TTLL7: variants seen among roughly 807,000 people sequenced by gnomAD.
The protein encoded by TTLL7 is tubulin polyglutamylase TTLL7.
TTLL7 carries 53 observed loss-of-function variants against 120.2 expected under a neutral mutation model. The observed-to-expected ratio is 0.44, with a 90% CI of 0.35 to 0.55. The LOEUF (loss-of-function observed/expected upper bound fraction) is 0.55. Ranked by LOEUF, TTLL7 falls within the 20% of genes least tolerant of loss-of-function variation. The pLI, the probability that TTLL7 is intolerant of heterozygous loss-of-function variation, is 0.00. For synonymous variants in TTLL7, 353 were observed against 351.7 expected, an observed-to-expected ratio of 1.00 and a Z score of -0.04; for missense variants, 803 against 1,054.7, an observed-to-expected ratio of 0.76 and a Z score of 3.31.
At chr1:83,893,386 AG>A (rs1655947320) in intron 18 of TTLL7, among the ~76,000 whole-genome samples, 2 of 151,568 alleles carry the variant, frequency 1.3e-5, no homozygotes, top group African/African-American at 2.4e-5. Context: ...AAAAACAAAA[AG>A]AAAAAAAAAT....
intron 16 of TTLL7, among the ~76,000 whole-genome samples, chr1:83,906,747 C>T (rs1262811469): frequency 6.6e-6 from 1 of 152,000 alleles, no homozygotes; most frequent in East Asian, 1.9e-4. Flanking sequence ...TCATTTGCTA[C>T]ATATACCTTA....
intron 19 of TTLL7, among the ~76,000 whole-genome samples, chr1:83,887,597 A>G (rs1300891183): frequency 1.3e-5 from 2 of 152,048 alleles, no homozygotes; most frequent in Non-Finnish European, 2.9e-5. Flanking sequence ...CGGTCTCAAA[A>G]CTACTCCTGC....
At chr1:83,899,188 C>G (rs146359384) in intron 18 of TTLL7, among the ~76,000 whole-genome samples, 9 of 151,994 alleles carry the variant, frequency 5.9e-5, no homozygotes, top group Admixed American at 3.3e-4. Context: ...AGAATGTCAT[C>G]ACAGAATGAA....
At chr1:83,947,940 C>T (rs1245230351) in intron 5 of TTLL7, among the ~76,000 whole-genome samples, 3 of 152,026 alleles carry the variant, frequency 2.0e-5, no homozygotes, top group African/African-American at 4.8e-5. Flanking sequence ...CCCTAGTCAA[C>T]AGGAATATAA....
chr1:83,977,438 GA>G (rs148574747), intron 1 of TTLL7, among the ~76,000 whole-genome samples: 6,620 of 148,716 alleles, frequency 0.045, 176 homozygotes, highest in Middle Eastern at 0.099. Context: ...AAACATGGAG[GA>G]AAAAAAAAAT....
intron 15 of TTLL7, among the ~76,000 whole-genome samples, chr1:83,908,007 T>C (rs1657350744): frequency 6.6e-6 from 1 of 152,112 alleles, no homozygotes; most frequent in African/African-American, 2.4e-5. Context: ...TGCTAAGTGC[T>C]ACACTTATAT....
chr1:83,894,323 G>C (rs530102080), intron 18 of TTLL7, among the ~76,000 whole-genome samples: 3 of 152,078 alleles, frequency 2.0e-5, no homozygotes, highest in East Asian at 3.9e-4. Context: ...ATTGATACTG[G>C]CAATTTTAAC....
At chr1:83,997,760 A>G (rs1465178512) in intron 1 of TTLL7, among the ~76,000 whole-genome samples, 1 of 152,172 alleles carries the variant, frequency 6.6e-6, no homozygotes, top group African/African-American at 2.4e-5. Context: ...TGTCTCCCTA[A>G]CATTTAAGAC....
In TTLL7 at chr1:83,972,170, C is replaced by T. The variant is rs115624514; in HGVS notation, c.-176-19783G>A. Among the ~76,000 whole-genome samples, 684 of 152,136 alleles carry T rather than the reference C, an allele frequency of 4.5e-3. 10 individuals are homozygous for T. The highest frequency in any genetic ancestry group is 0.016 in the African/African-American group (653 of 41,518). ...ACATTGGGGTTCACTCAGTGTTGTA[C>T]ATTCTATGGGTTTGGACCAATGTAT... On this transcript the variant is annotated intron_variant, in intron 1 of 20. Coordinates refer to ENST00000260505, the MANE Select transcript of TTLL7 (RefSeq NM_024686.6).
chr1:83,902,814 T>A (rs1235802411), intron 18 of TTLL7, among the ~76,000 whole-genome samples: 1 of 151,982 alleles, frequency 6.6e-6, no homozygotes, highest in South Asian at 2.1e-4. Flanking sequence ...CATTTTCACT[T>A]GGATGTCCAA....
intron 18 of TTLL7, among the ~76,000 whole-genome samples, chr1:83,892,229 T>A (rs1443051404): frequency 2.2e-5 from 3 of 137,404 alleles, no homozygotes; most frequent in East Asian, 2.0e-4. Flanking sequence ...TATATATGTG[T>A]ATATATATGA....
At chr1:83,909,972 A>T (rs1402865620) in intron 15 of TTLL7, among the ~76,000 whole-genome samples, 1 of 152,178 alleles carries the variant, frequency 6.6e-6, no homozygotes, top group Non-Finnish European at 1.5e-5. Flanking sequence ...GCAAATGATG[A>T]AATAGCTTAC....
intron 14 of TTLL7, among the ~76,000 whole-genome samples, chr1:83,915,561 C>T (rs552321833): frequency 6.6e-6 from 1 of 152,198 alleles, no homozygotes; most frequent in East Asian, 1.9e-4. Context: ...CTAGGCAATA[C>T]CATTCAGGAC....
chr1:83,935,489 C>T (rs776178194), intron 8 of TTLL7, among the ~76,000 whole-genome samples: 22 of 151,612 alleles, frequency 1.5e-4, no homozygotes, highest in Middle Eastern at 3.4e-3. Context: ...TGCTTTAAAA[C>T]GTGATTTGTA....
At chr1:83,896,807 TTA>T in intron 18 of TTLL7, among the ~76,000 whole-genome samples, 1 of 152,124 alleles carries the variant, frequency 6.6e-6, no homozygotes, top group Non-Finnish European at 1.5e-5. Context: ...CACTCTTAGT[TTA>T]TGTTTAGGTA....
At chr1:83,878,648 G>A (rs1287068311) in intron 20 of TTLL7, among the ~76,000 whole-genome samples, 1 of 151,936 alleles carries the variant, frequency 6.6e-6, no homozygotes, top group African/African-American at 2.4e-5. Context: ...ATCAGAGGCA[G>A]GATTTATCCA....
intron 1 of TTLL7, among the ~76,000 whole-genome samples, chr1:83,998,414 G>A (rs1343276206): frequency 1.3e-5 from 2 of 152,186 alleles, no homozygotes; most frequent in Non-Finnish European, 2.9e-5. Context: ...TGTGATATAA[G>A]TGGATGATGG....
Position 83,937,908 on chromosome 1 carries a change from T to G in TTLL7, c.832A>C (p.Thr278Pro). The change falls in exon 8 of 21, where the codon ACA (threonine) becomes CCA (proline). Residue 278 changes from threonine (T) to proline (P), a missense_variant. Transcript: ENST00000260505. ...TGTTGATTTGCTTGAAGGAATTCTG[T>G]AAACCATTTGATGGAACGTTTGCTG... ...KGSKRSIKWF[T>P]EFLQANQHDV... is the part of the protein sequence containing the mutation. The G allele has an allele frequency of 6.2e-7, 1 of 1,614,076 alleles. No homozygotes were observed. The highest frequency in any genetic ancestry group is 8.5e-7 in the Non-Finnish European group (1 of 1,179,972).
At position 83,929,226 on chromosome 1, in the gene TTLL7, T is replaced by G. The variant is rs905220341; in HGVS notation, c.1052A>C (p.Asn351Thr). The stretch of plus-strand genomic sequence containing the variant: ...ATCAGTTCCAAAGCTTGGGGCTCGG[T>G]TAATCTGAAATTTACAAAGAAGACA... ...RKLKPWLLEI[N>T]RAPSFGTDQK... The change falls in exon 10 of 21, where the codon AAC (asparagine) becomes ACC (threonine). Residue 351 changes from asparagine (N) to threonine (T), a missense_variant. This residue lies in a region of TTLL7 where 324 missense variants were observed against 507.7 expected (regional missense o/e 0.64). Transcript: ENST00000260505. 2 of 1,607,222 alleles carry G rather than the reference T, an allele frequency of 1.2e-6. No individual in the cohort carries two copies. Among genetic ancestry groups the G allele is most frequent in the Non-Finnish European group, 1.7e-6 (2 of 1,175,918 alleles).
Sources: gnomAD v4.1 joint callset for allele counts (sites outside exome capture counted in the v4.1 genomes callset) on GRCh38, gnomAD v4.1.1 for gene constraint, gnomAD v4.1.1 regional missense constraint, MANE v1.5 for transcripts, NCBI Gene and HGNC (gene_info 2026-07-23, HGNC 2026-07-21) for gene names.